The following OR2C1 variants were observed in gnomAD, a reference collection of about 807,000 sequenced individuals.
OR2C1 encodes olfactory receptor 2C1.
For missense variants in OR2C1, 468 were observed against 388.3 expected, an observed-to-expected ratio of 1.21 and a Z score of -1.73; for synonymous variants, 209 against 167.3, an observed-to-expected ratio of 1.25 and a Z score of -1.92.
the OR2C1 span, among the ~76,000 whole-genome samples, chr16:3,327,582 T>C: frequency 0.23 from 34,423 of 150,798 alleles, 4,357 homozygotes; most frequent in South Asian, 0.5. Context: ...AGATGCCTCG[T>C]AATGAGAGTG....
the OR2C1 span, among the ~76,000 whole-genome samples, chr16:3,331,362 C>T: frequency 6.6e-6 from 1 of 151,306 alleles, no homozygotes; most frequent in African/African-American, 2.4e-5. Flanking sequence ...ATGGTAGTTT[C>T]TTTTGCTGTG....
chr16:3,333,421 C>T, the OR2C1 span, among the ~76,000 whole-genome samples: 1 of 151,756 alleles, frequency 6.6e-6, no homozygotes, highest in Non-Finnish European at 1.5e-5. Context: ...CTGCAAGCTC[C>T]GCCTCCCGGG....
chr16:3,347,084 A>C, the OR2C1 span, among the ~76,000 whole-genome samples: 1 of 150,904 alleles, frequency 6.6e-6, no homozygotes, highest in Non-Finnish European at 1.5e-5. Context: ...ATCTCTACTA[A>C]AGAAGTACAA....
At chr16:3,340,657 A>C in the OR2C1 span, among the ~76,000 whole-genome samples, 1 of 152,094 alleles carries the variant, frequency 6.6e-6, no homozygotes, top group African/African-American at 2.4e-5. Flanking sequence ...ATTCTTTTGC[A>C]TGTGGTTATA....
chr16:3,338,125 C>G, the OR2C1 span, among the ~76,000 whole-genome samples: 4 of 152,152 alleles, frequency 2.6e-5, no homozygotes, highest in African/African-American at 4.8e-5. Flanking sequence ...AGGTTTGGGT[C>G]CAGAGCACCC....
At chr16:3,351,211 TTTCTTTTTCTTTTTC>T (rs1164482692), upstream of OR2C1, among the ~76,000 whole-genome samples, 2 of 9,402 alleles carry the variant, frequency 2.1e-4, 1 homozygote. Flanking sequence ...TTTTTCTTTT[TTTCTTTTTCTTTTTC>T]TTTTTTTTTT....
At chr16:3,328,453 G>C in the OR2C1 span, among the ~76,000 whole-genome samples, 8 of 152,298 alleles carry the variant, frequency 5.3e-5, no homozygotes, top group South Asian at 1.7e-3. Flanking sequence ...TATGTACGCT[G>C]TGTGCTCATT....
At chr16:3,350,341 C>T in the OR2C1 span, among the ~76,000 whole-genome samples, 1 of 151,770 alleles carries the variant, frequency 6.6e-6, no homozygotes, top group African/African-American at 2.4e-5. Flanking sequence ...AGGCGTGAGC[C>T]ACCGCGCCCA....
chr16:3,333,215 T>C, the OR2C1 span, among the ~76,000 whole-genome samples: 3 of 33,550 alleles, frequency 8.9e-5, no homozygotes, highest in African/African-American at 3.9e-4. Flanking sequence ...TTGCCCATTT[T>C]TTTTTTTTTT....
chr16:3,339,795 T>G, the OR2C1 span, among the ~76,000 whole-genome samples: 1 of 152,170 alleles, frequency 6.6e-6, no homozygotes, highest in Non-Finnish European at 1.5e-5. Flanking sequence ...AGAGTTCTGA[T>G]TTCTCTACAC....
the OR2C1 span, among the ~76,000 whole-genome samples, chr16:3,328,342 A>C: frequency 6.6e-6 from 1 of 152,202 alleles, no homozygotes; most frequent in East Asian, 1.9e-4. Flanking sequence ...GCAAGTCTCA[A>C]ATCAACACTT....
At chr16:3,333,218 T>G in the OR2C1 span, among the ~76,000 whole-genome samples, 45 of 23,948 alleles carry the variant, frequency 1.9e-3, 2 homozygotes, top group African/African-American at 7.0e-3. Context: ...CCCATTTTTT[T>G]TTTTTTTTTT....
the OR2C1 span, among the ~76,000 whole-genome samples, chr16:3,348,160 A>G: frequency 2.0e-5 from 3 of 152,336 alleles, no homozygotes; most frequent in South Asian, 6.2e-4. Flanking sequence ...CTGTCCAAAC[A>G]CTAATAGACC....
In OR2C1 at chr16:3,356,785, C is replaced by T. The variant is rs762021331; in HGVS notation, c.845C>T (p.Thr282Ile). The T allele has an allele frequency of 6.2e-7, 1 of 1,606,304 alleles. No homozygotes were observed. The highest frequency in any genetic ancestry group is 8.5e-7 in the Non-Finnish European group (1 of 1,175,922). ...ATTTCCCTGTTCTACTCGTTGGTCA[C>T]ACCCATGGTGAATCCCCTCATCTAC... ...KFISLFYSLV[T>I]PMVNPLIYTL... The change falls in exon 1 of 1, where the codon ACA becomes ATA. Residue 282 changes from threonine to isoleucine, a missense_variant. By Grantham distance (89) the Thr-to-Ile change is moderately conservative (BLOSUM62 -1). Transcript: ENST00000304936.
chr16:3,324,024 T>C, the OR2C1 span: 1 of 435,494 alleles, frequency 2.3e-6, no homozygotes, highest in Non-Finnish European at 4.0e-6. Context: ...GCCCATGATT[T>C]GTACAATCAA....
At chr16:3,328,631 T>G in the OR2C1 span, among the ~76,000 whole-genome samples, 1 of 152,148 alleles carries the variant, frequency 6.6e-6, no homozygotes, top group East Asian at 1.9e-4. Context: ...ATAACTGGTG[T>G]AGGAAATTGG....
At chr16:3,349,917 T>C in the OR2C1 span, among the ~76,000 whole-genome samples, 3 of 151,754 alleles carry the variant, frequency 2.0e-5, no homozygotes, top group Non-Finnish European at 4.4e-5. Flanking sequence ...AAAAATTCAC[T>C]GTTTTATGGC....
In OR2C1 at chr16:3,356,170, C is replaced by T. The variant is rs767304087; in HGVS notation, c.230C>T (p.Ser77Leu). The T allele has an allele frequency of 2.2e-5, 35 of 1,614,090 alleles. 1 individual carries two copies. The South Asian group carries it at 3.7e-4, about 17-fold the overall frequency. Residue 77 changes from serine to leucine, a missense_variant, in exon 1 of 1, where the codon TCA (serine) becomes TTA (leucine). Transcript: ENST00000304936. ...TTGGACCTTGCTTTCGCTACTAGTTCAGTCCCCCAAATGCTGATCAATTTA... is the reference window on the plus strand; with the variant it reads ...TTGGACCTTGCTTTCGCTACTAGTTTAGTCCCCCAAATGCTGATCAATTTA... ...SSLDLAFATS[S>L]VPQMLINLWG...
chr16:3,352,396 C>G (rs996502360), upstream of OR2C1, among the ~76,000 whole-genome samples: 4 of 151,896 alleles, frequency 2.6e-5, no homozygotes, highest in Non-Finnish European at 5.9e-5. Flanking sequence ...ATTACAGGCG[C>G]GAGCCACCAT....
Sources: gnomAD v4.1 joint callset for allele counts (sites outside exome capture counted in the v4.1 genomes callset) on GRCh38, gnomAD v4.1.1 for gene constraint, MANE v1.5 for transcripts, NCBI Gene and HGNC (gene_info 2026-07-23, HGNC 2026-07-21) for gene names.